ATP8A2: variants seen among roughly 807,000 people sequenced by gnomAD.
ATP8A2 encodes phospholipid-transporting ATPase IB.
ATP8A2 carries 100 observed loss-of-function variants against 165.6 expected under a neutral mutation model. The observed-to-expected ratio is 0.60, with a 90% CI of 0.51 to 0.71. The LOEUF (loss-of-function observed/expected upper bound fraction) is 0.71. Among genes scored for constraint, ATP8A2 ranks in the 30% least tolerant of loss-of-function variants. The pLI, the probability that ATP8A2 is intolerant of heterozygous loss-of-function variation, is 0.00. For synonymous variants in ATP8A2, 543 were observed against 548.8 expected, an observed-to-expected ratio of 0.99 and a Z score of 0.15; for missense variants, 1,227 against 1,479.5, an observed-to-expected ratio of 0.83 and a Z score of 2.80.
At chr13:25,899,861 C>G (rs1038560144) in intron 33 of ATP8A2, among the ~76,000 whole-genome samples, 3 of 152,138 alleles carry the variant, frequency 2.0e-5, no homozygotes, top group Non-Finnish European at 4.4e-5. Context: ...ATTTCCAAAG[C>G]TCACCCTGCC....
chr13:25,575,837 T>G (rs1341868100), intron 19 of ATP8A2, among the ~76,000 whole-genome samples: 8 of 152,046 alleles, frequency 5.3e-5, no homozygotes, highest in Admixed American at 5.2e-4. Context: ...AACTGTGCAG[T>G]GCCCTGTGAT....
At chr13:25,608,387 G>T (rs1364746394) in intron 24 of ATP8A2, among the ~76,000 whole-genome samples, 4 of 152,154 alleles carry the variant, frequency 2.6e-5, no homozygotes, top group African/African-American at 9.7e-5. Flanking sequence ...GTTTGCCCAG[G>T]TTGTAGACAT....
chr13:25,425,818 C>T (rs966905444), intron 1 of ATP8A2, among the ~76,000 whole-genome samples: 4 of 152,114 alleles, frequency 2.6e-5, no homozygotes, highest in South Asian at 2.1e-4. Flanking sequence ...CCTTGTGATC[C>T]GCCCGCCTCC....
chr13:25,510,202 CACACACACACACACACACAG>C (rs1189037089), intron 2 of ATP8A2, among the ~76,000 whole-genome samples: 32 of 127,200 alleles, frequency 2.5e-4, no homozygotes, highest in Middle Eastern at 4.4e-3. Context: ...CACACACACA[CACACACACACACACACACAG>C]AGAATGTTGA....
chr13:25,860,487 C>A (rs1952315120), intron 31 of ATP8A2, among the ~76,000 whole-genome samples: 2 of 152,176 alleles, frequency 1.3e-5, no homozygotes, highest in African/African-American at 4.8e-5. Flanking sequence ...TTTCCCCATT[C>A]TTCAAATGAC....
chr13:25,595,575 G>A (rs1318664713), intron 24 of ATP8A2, among the ~76,000 whole-genome samples: 1 of 152,126 alleles, frequency 6.6e-6, no homozygotes, highest in Non-Finnish European at 1.5e-5. Context: ...CTACTTTGGG[G>A]GCTATTTATT....
chr13:25,528,949 T>C (rs963148636), intron 2 of ATP8A2, among the ~76,000 whole-genome samples: 1 of 152,096 alleles, frequency 6.6e-6, no homozygotes, highest in Non-Finnish European at 1.5e-5. Flanking sequence ...TTATATTAGG[T>C]GTATCTCCTA....
chr13:25,779,970 C>T (rs1475675570), intron 27 of ATP8A2, among the ~76,000 whole-genome samples: 4 of 152,176 alleles, frequency 2.6e-5, no homozygotes, highest in African/African-American at 9.7e-5. Flanking sequence ...TCAGGGTTTT[C>T]TTAATAGAGT....
chr13:25,848,879 C>G (rs1297545962), intron 30 of ATP8A2, among the ~76,000 whole-genome samples: 1 of 152,136 alleles, frequency 6.6e-6, no homozygotes. Flanking sequence ...AGGTTAACTT[C>G]TGAAAGTTTG....
intron 35 of ATP8A2, among the ~76,000 whole-genome samples, chr13:25,984,592 T>G (rs537595771): frequency 2.3e-4 from 15 of 64,460 alleles, no homozygotes; most frequent in African/African-American, 8.0e-4. Flanking sequence ...AGTGAGACTT[T>G]GTCTCAAAAA....
At chr13:25,492,836 T>C (rs1391863592) in intron 2 of ATP8A2, among the ~76,000 whole-genome samples, 2 of 152,108 alleles carry the variant, frequency 1.3e-5, no homozygotes, top group Admixed American at 6.5e-5. Flanking sequence ...CTGAGGCAGG[T>C]GGGGCCCAGT....
At chr13:25,764,373 A>G (rs1022106747) in intron 25 of ATP8A2, among the ~76,000 whole-genome samples, 2 of 152,246 alleles carry the variant, frequency 1.3e-5, no homozygotes, top group Non-Finnish European at 2.9e-5. Flanking sequence ...ACTTTAAGAA[A>G]GGGGATAAGA....
chr13:25,795,058 C>G (rs370763612), intron 27 of ATP8A2, among the ~76,000 whole-genome samples: 1 of 152,112 alleles, frequency 6.6e-6, no homozygotes, highest in African/African-American at 2.4e-5. Flanking sequence ...GATATTAATT[C>G]TATGCATTAT....
intron 2 of ATP8A2, among the ~76,000 whole-genome samples, chr13:25,497,211 A>C (rs2036705176): frequency 6.6e-6 from 1 of 152,156 alleles, no homozygotes; most frequent in South Asian, 2.1e-4. Flanking sequence ...AACAGAAGGA[A>C]TATTATGTGT....
chr13:25,692,617 G>A (rs1457175511), intron 24 of ATP8A2, among the ~76,000 whole-genome samples: 1 of 152,186 alleles, frequency 6.6e-6, no homozygotes. Context: ...CTCCTAGGTT[G>A]AGCAGGGCTG....
At chr13:25,776,449 G>C (rs1262305913) in intron 27 of ATP8A2, among the ~76,000 whole-genome samples, 1 of 152,182 alleles carries the variant, frequency 6.6e-6, no homozygotes, top group African/African-American at 2.4e-5. Context: ...TCAGTATAGT[G>C]AGGTTAAAAT....
chr13:25,807,872 G>T lies in ATP8A2; in HGVS notation c.2680-20246G>T, dbSNP rs74039735. ...TCTGTCTCACACACACAGGAAGAAA[G>T]GAATAAAGGGTAAATTTCCTTTTAA... On this transcript the variant is annotated intron_variant, in intron 27 of 36. Transcript: ENST00000381655. 6.9e-3 allele frequency among the ~76,000 whole-genome samples: 1,057 copies of T among 152,192 alleles called. 13 individuals carry two copies. Among genetic ancestry groups the T allele is most frequent in the African/African-American group, 0.022 (921 of 41,524 alleles).
At chr13:25,858,345 C>A (rs61949369) in intron 30 of ATP8A2, among the ~76,000 whole-genome samples, 11 of 152,246 alleles carry the variant, frequency 7.2e-5, no homozygotes, top group African/African-American at 2.4e-4. Flanking sequence ...CCAGTCTGTC[C>A]TTGTCCCCTC....
chr13:25,595,369 T>C (rs1214975008), intron 24 of ATP8A2, among the ~76,000 whole-genome samples: 1 of 152,240 alleles, frequency 6.6e-6, no homozygotes, highest in African/African-American at 2.4e-5. Flanking sequence ...ATAAAATTCA[T>C]TAATGATGCC....
Sources: allele counts gnomAD v4.1 joint callset (sites outside exome capture counted in the v4.1 genomes callset), GRCh38; gene constraint gnomAD v4.1.1; transcripts MANE v1.5; gene names NCBI Gene and HGNC (gene_info 2026-07-23, HGNC 2026-07-21).